Variants in BAZ1A observed in about 807,000 individuals in gnomAD.
BAZ1A encodes bromodomain adjacent to zinc finger domain protein 1A.
BAZ1A carries 50 observed loss-of-function variants against 185.2 expected under a neutral mutation model. The observed-to-expected ratio is 0.27, with a 90% CI of 0.22 to 0.34. BAZ1A has a LOEUF of 0.34. BAZ1A is among the 10% of genes least tolerant of loss of function. The probability of loss-of-function intolerance (pLI) is 1.00; values close to 1 mark genes in which losing one functional copy is unlikely to be tolerated. For synonymous variants in BAZ1A, 571 were observed against 615.6 expected (o/e 0.93, Z 1.07); for missense variants, 1,356 against 1,839.9 (o/e 0.74, Z 4.81).
chr14:34,857,059 T>C (rs1407215530), intron 3 of BAZ1A, among the ~76,000 whole-genome samples: 3 of 149,474 alleles, frequency 2.0e-5, no homozygotes, highest in Non-Finnish European at 3.0e-5. Context: ...CAGGCTGGAG[T>C]GCAGTGGCGC....
chr14:34,850,305 G>A (rs535183898), intron 3 of BAZ1A, among the ~76,000 whole-genome samples: 72 of 152,288 alleles, frequency 4.7e-4, no homozygotes, highest in African/African-American at 1.7e-3. Context: ...CTGAGCCCGG[G>A]AAATGGAAAT....
chr14:34,821,359 A>G (rs1397413998), intron 4 of BAZ1A, among the ~76,000 whole-genome samples: 1 of 152,252 alleles, frequency 6.6e-6, no homozygotes, highest in Admixed American at 6.5e-5. Flanking sequence ...ACATGAAAAA[A>G]TGTTAATGAA....
intron 3 of BAZ1A, among the ~76,000 whole-genome samples, chr14:34,850,216 A>G (rs1439809421): frequency 6.6e-6 from 1 of 152,146 alleles, no homozygotes; most frequent in African/African-American, 2.4e-5. Flanking sequence ...CATCTCCACA[A>G]AAGATACAAA....
Position 34,831,823 on chromosome 14 carries a change from GA to G in BAZ1A, c.393-5668del, listed in dbSNP as rs529678561. On this transcript the variant is annotated intron_variant, in intron 3 of 26. Coordinates refer to ENST00000360310, the MANE Select transcript of BAZ1A (RefSeq NM_013448.3). Reference sequence around the variant, plus strand: ...AGCTGCTCTTTTTAAAAAATTGAAGGAAAAAAAAGACTCAAATTACTAAAAT... The same window carrying G: ...AGCTGCTCTTTTTAAAAAATTGAAGGAAAAAAAGACTCAAATTACTAAAAT... 2.0e-3 allele frequency among the ~76,000 whole-genome samples: 296 copies of G among 151,418 alleles called. 1 individual carries two copies. Among genetic ancestry groups the G allele is most frequent in the African/African-American group, 6.9e-3 (286 of 41,314 alleles).
At chr14:34,766,757 C>T (rs1470071037) in intron 21 of BAZ1A, among the ~76,000 whole-genome samples, 1 of 152,186 alleles carries the variant, frequency 6.6e-6, no homozygotes, top group African/African-American at 2.4e-5. Context: ...AAGTACAAAT[C>T]TTTGCAAATT....
In BAZ1A at chr14:34,801,087, A is replaced by C; in HGVS notation, c.961+7T>G. The stretch of plus-strand genomic sequence containing the variant: ...AATTAGCTTTTGGAAACAATGTTAA[A>C]ACTCACCCAGTGACTTCATTTCTTC... On this transcript the variant is annotated splice_region_variant and intron_variant, in intron 8 of 26. Transcript: ENST00000360310. 6.3e-7 allele frequency: 1 copy of C among 1,574,846 alleles called. No individual in the cohort carries two copies. The highest frequency in any genetic ancestry group is 8.6e-7 in the Non-Finnish European group (1 of 1,159,236).
At position 34,836,308 on chromosome 14, in the gene BAZ1A, G is replaced by A. The variant is rs1447010292; in HGVS notation, c.393-10152C>T. Among the ~76,000 whole-genome samples, 32 of 72,542 alleles carry A rather than the reference G, an allele frequency of 4.4e-4. 8 individuals carry two copies. Among genetic ancestry groups the A allele is most frequent in the Non-Finnish European group, 3.5e-4 (12 of 34,360 alleles). 47.6% of individuals were successfully genotyped at this position (72,542 alleles called of 152,430 possible). A position where few individuals can be genotyped will look rare whatever the true frequency, so the allele number is the denominator to read the frequency against. On this transcript the variant is annotated intron_variant, in intron 3 of 26. Coordinates refer to ENST00000360310, the MANE Select transcript of BAZ1A (RefSeq NM_013448.3). ...GCAGGAGAATGGCGTGAACCCGGGA[G>A]GCGGAGCTTGCAGTGAGCCGAGATC...
intron 4 of BAZ1A, among the ~76,000 whole-genome samples, chr14:34,820,124 T>TG (rs2042064929): frequency 3.8e-5 from 1 of 26,068 alleles, no homozygotes; most frequent in African/African-American, 1.0e-4. Flanking sequence ...GGTTCCTCGT[T>TG]TTTTTTTTTT....
At chr14:34,789,173 G>A (rs181892444) in intron 12 of BAZ1A, among the ~76,000 whole-genome samples, 49 of 152,070 alleles carry the variant, frequency 3.2e-4, no homozygotes, top group Non-Finnish European at 5.9e-4. Flanking sequence ...TTTAATTAAT[G>A]AGCACTCCAA....
chr14:34,816,852 G>C (rs1162575228), intron 4 of BAZ1A: 4 of 449,802 alleles, frequency 8.9e-6, no homozygotes, highest in Non-Finnish European at 1.3e-5. Flanking sequence ...GTTAACAGGG[G>C]AAACCTGTAT....
Position 34,776,611 on chromosome 14 carries a change from GAACTA to G in BAZ1A, c.2237-101_2237-97del, listed in dbSNP as rs1417349089. ...GTTACCCCAAGTTATTAGGTGTTATGAACTAAACTGTATCCCCTCTCCACAACCCC... is the reference window on the plus strand; with the variant it reads ...GTTACCCCAAGTTATTAGGTGTTATGAACTGTATCCCCTCTCCACAACCCC... On this transcript the variant is annotated intron_variant, in intron 17 of 26. Coordinates refer to ENST00000360310, the MANE Select transcript of BAZ1A (RefSeq NM_013448.3). 9 of 976,598 alleles carry G rather than the reference GAACTA, an allele frequency of 9.2e-6. No individual in the cohort carries two copies. The African/African-American group carries it at 1.5e-4, about 16-fold the overall frequency. The allele number at this position is 976,598 out of a possible 1,614,324, so 60.5% of individuals were successfully genotyped here. A position where few individuals can be genotyped will look rare whatever the true frequency, so the allele number is the denominator to read the frequency against.
chr14:34,824,683 T>C (rs1291750989), intron 4 of BAZ1A, among the ~76,000 whole-genome samples: 1 of 152,162 alleles, frequency 6.6e-6, no homozygotes, highest in Non-Finnish European at 1.5e-5. Context: ...ATAGTTAATG[T>C]CAGGCCAAAT....
At chr14:34,806,846 C>A (rs538732656) in intron 6 of BAZ1A, among the ~76,000 whole-genome samples, 2 of 151,800 alleles carry the variant, frequency 1.3e-5, no homozygotes, top group African/African-American at 4.8e-5. Flanking sequence ...CCTCTCCAGG[C>A]TCAGGTGATC....
chr14:34,857,428 G>GCATGAGCTAAGGGACAATAGA (rs2042701491), intron 3 of BAZ1A, among the ~76,000 whole-genome samples: 3 of 152,226 alleles, frequency 2.0e-5, no homozygotes, highest in Admixed American at 2.0e-4. Flanking sequence ...CCAAGTATAG[G>GCATGAGCTAAGGGACAATAGA]CATGAGCTAA....
In BAZ1A at chr14:34,775,900, A is replaced by G; in HGVS notation, c.2833+19T>C. The G allele has an allele frequency of 6.4e-7, 1 of 1,552,258 alleles. No individual in the cohort carries two copies. The highest frequency in any genetic ancestry group is 8.7e-7 in the Non-Finnish European group (1 of 1,147,982). On this transcript the variant is annotated intron_variant, in intron 18 of 26. Transcript: ENST00000360310. ...GGGGGAGGGAAAAAAAGTAAAAACA[A>G]TTTTCATTGAAAATTTACCTGAAAA...
intron 3 of BAZ1A, among the ~76,000 whole-genome samples, chr14:34,843,965 G>A (rs1019232477): frequency 2.6e-5 from 4 of 151,950 alleles, no homozygotes; most frequent in Non-Finnish European, 4.4e-5. Context: ...CAGCACTTTG[G>A]GAGGCCGAGG....
In BAZ1A at chr14:34,827,337, G is replaced by A. The variant is rs114410809; in HGVS notation, c.393-1181C>T. Among the ~76,000 whole-genome samples, 952 of 152,206 alleles carry A rather than the reference G, an allele frequency of 6.3e-3. 17 individuals carry two copies. Among genetic ancestry groups the A allele is most frequent in the African/African-American group, 0.022 (908 of 41,524 alleles). ...GATCCTCTATTTCTTAACTTCTGCC[G>A]GGTTGTTCCATCCATTATGGAAGAT... On this transcript the variant is annotated intron_variant, in intron 3 of 26. Transcript: ENST00000360310.
rs113371932 is a variant in BAZ1A, at chr14:34,832,187, CAT to C, written c.393-6033_393-6032del. Reference sequence around the variant, plus strand: ...GTATGTGTGTATATATACATATATACATATACACACACACACACACACACACA... The same window carrying C: ...GTATGTGTGTATATATACATATATACATACACACACACACACACACACACA... On this transcript the variant is annotated intron_variant, in intron 3 of 26. Coordinates refer to ENST00000360310, the MANE Select transcript of BAZ1A (RefSeq NM_013448.3). Among the ~76,000 whole-genome samples the C allele has an allele frequency of 8.5e-3, 865 of 101,842 alleles. 3 individuals carry two copies. The highest frequency in any genetic ancestry group is 0.013 in the Admixed American group (115 of 8,580). The allele number at this position is 101,842 out of a possible 152,430, so 66.8% of individuals were successfully genotyped here.
At chr14:34,860,469 C>T (rs12587913) in intron 3 of BAZ1A, among the ~76,000 whole-genome samples, 30,378 of 142,294 alleles carry the variant, frequency 0.21, 3,697 homozygotes, top group Non-Finnish European at 0.27. Context: ...GATGGAGCCA[C>T]TGCACTCTAG....
Sources: gnomAD v4.1 joint callset for allele counts (sites outside exome capture counted in the v4.1 genomes callset) on GRCh38, gnomAD v4.1.1 for gene constraint, MANE v1.5 for transcripts, NCBI Gene and HGNC (gene_info 2026-07-23, HGNC 2026-07-21) for gene names.